USP9X: variants seen among roughly 807,000 people sequenced by gnomAD.
USP9X encodes ubiquitin specific peptidase 9 X-linked, also known as ubiquitin carboxyl-terminal hydrolase 9X.
In USP9X, 7 loss-of-function variants were observed where a neutral mutation model predicts 190.3. The ratio of observed to expected loss-of-function variants is 0.04; its 90% CI spans 0.02 to 0.07. The LOEUF (loss-of-function observed/expected upper bound fraction) is 0.07, where lower values mean the gene tolerates loss of function less well. Ranked by LOEUF, USP9X falls within the 10% of genes least tolerant of loss-of-function variation. The probability of loss-of-function intolerance (pLI) is 1.00; values close to 1 mark genes in which losing one functional copy is unlikely to be tolerated. For missense variants in USP9X, 1,010 were observed against 1,916.9 expected (o/e 0.53, Z 8.83); for synonymous variants, 645 against 659.5 (o/e 0.98, Z 0.34).
intron 33 of USP9X, among the ~76,000 whole-genome samples, chrX:41,211,359 G>T (rs1467086760): frequency 1.8e-5 from 2 of 112,275 alleles, no homozygotes; most frequent in African/African-American, 6.5e-5. Flanking sequence ...ATAGCTACAG[G>T]TGTTATTTAT....
chrX:41,141,064 C>G lies in USP9X; in HGVS notation c.869C>G (p.Thr290Ser). ...EMVPQFLENL[T>S]DEELKKEAKN... is the part of the protein sequence containing the mutation. ...GTTCCACAGTTTTTAGAAAACTTAA[C>G]TGATGAAGAACTGAAAAAAGAAGCA... The change falls in exon 8 of 45, where the codon ACT becomes AGT. Residue 290 changes from threonine (T) to serine (S), a missense_variant. This residue lies in a region of USP9X where 176 missense variants were observed against 247.5 expected (regional missense o/e 0.71). Coordinates refer to ENST00000378308, the MANE Select transcript of USP9X (RefSeq NM_001039591.3). 8.3e-7 allele frequency: 1 copy of G among 1,206,217 alleles called. No individual in the cohort carries two copies. Among genetic ancestry groups the G allele is most frequent in the Non-Finnish European group, 1.1e-6 (1 of 892,980 alleles).
At chrX:41,148,633 T>C in intron 12 of USP9X, 58 bp downstream of exon 12, 3 of 1,074,906 alleles carry the variant, frequency 2.8e-6, no homozygotes, top group Non-Finnish European at 3.9e-6. Flanking sequence ...TTAGGTTGGC[T>C]TAGTTACAGG....
intron 1 of USP9X, among the ~76,000 whole-genome samples, chrX:41,102,573 A>C (rs1016249268): frequency 1.8e-5 from 2 of 111,648 alleles, no homozygotes; most frequent in African/African-American, 6.5e-5. Flanking sequence ...CAGTGAGTTG[A>C]GATCACGCCG....
At chrX:41,156,691 C>A (rs767143979) in intron 14 of USP9X, among the ~76,000 whole-genome samples, 1 of 111,884 alleles carries the variant, frequency 8.9e-6, no homozygotes, top group South Asian at 3.7e-4. Flanking sequence ...CTGCTGTCCT[C>A]CCTCTATCTC....
chrX:41,229,973 G>C, intron 43 of USP9X, 194 bp downstream of exon 43: 1 of 713,354 alleles, frequency 1.4e-6, no homozygotes, highest in Non-Finnish European at 2.0e-6. Flanking sequence ...GGCCGAGGCA[G>C]GCGGATCACC....
At chrX:41,090,455 A>C (rs932500151) in intron 1 of USP9X, among the ~76,000 whole-genome samples, 4 of 112,139 alleles carry the variant, frequency 3.6e-5, no homozygotes, top group African/African-American at 1.3e-4. Context: ...GCTTACCTAA[A>C]ATTTATTCTT....
intron 28 of USP9X, 45 bp downstream of exon 28, chrX:41,196,783 T>C (rs771789680): frequency 2.5e-5 from 24 of 979,375 alleles, no homozygotes; most frequent in Non-Finnish European, 5.5e-6. Context: ...TATTAGTAAA[T>C]AGAATGTTTT....
chrX:41,088,457 A>G (rs967706221), intron 1 of USP9X, among the ~76,000 whole-genome samples: 1 of 112,625 alleles, frequency 8.9e-6, no homozygotes, highest in African/African-American at 3.2e-5. Flanking sequence ...AGTTGGTCAC[A>G]CAACAAGTGT....
intron 31 of USP9X, among the ~76,000 whole-genome samples, chrX:41,202,712 C>T (rs1219682042): frequency 9.0e-6 from 1 of 111,694 alleles, no homozygotes; most frequent in Non-Finnish European, 1.9e-5. Flanking sequence ...TGATTAAAAA[C>T]CACTGCTCTG....
At chrX:41,111,805 A>T (rs2062110066) in intron 1 of USP9X, among the ~76,000 whole-genome samples, 1 of 109,696 alleles carries the variant, frequency 9.1e-6, no homozygotes, top group South Asian at 3.9e-4. Flanking sequence ...CTTGTAGACC[A>T]TTAGATAAGT....
At chrX:41,217,968 A>G (rs192292029) in intron 36 of USP9X, among the ~76,000 whole-genome samples, 8 of 112,349 alleles carry the variant, frequency 7.1e-5, no homozygotes. Flanking sequence ...GCTTACCTAG[A>G]TTGAATTCTG....
At position 41,131,388 on chromosome X, in the gene USP9X, G is replaced by A. The variant is rs184779906; in HGVS notation, c.243-69G>A. On this transcript the variant is annotated intron_variant, in intron 3 of 44. Transcript: ENST00000378308. ...TTTCATAGCAAGATAATTATAATTA[G>A]TAGCTCATTTGTAGTGCCTCTTTTA... 53 of 754,426 alleles carry A rather than the reference G, an allele frequency of 7.0e-5. No homozygotes were observed. The East Asian group carries it at 1.6e-3, about 23-fold the overall frequency. The allele number at this position is 754,426 out of a possible 1,213,427, so 62.2% of individuals were successfully genotyped here.
chrX:41,099,093 A>ATTTTTTTTTTTTT (rs1569147006), intron 1 of USP9X, among the ~76,000 whole-genome samples: 2 of 47,359 alleles, frequency 4.2e-5, no homozygotes, highest in Non-Finnish European at 7.2e-5. Context: ...TGCCCAGATA[A>ATTTTTTTTTTTTT]TTGTTTTTTT....
At chrX:41,110,333 C>T (rs1356502407) in intron 1 of USP9X, among the ~76,000 whole-genome samples, 1 of 112,683 alleles carries the variant, frequency 8.9e-6, no homozygotes, top group African/African-American at 3.2e-5. Context: ...CGATACTTAA[C>T]ATGCAGAAAT....
intron 26 of USP9X, among the ~76,000 whole-genome samples, chrX:41,190,305 G>A (rs2062920743): frequency 9.0e-6 from 1 of 110,892 alleles, no homozygotes; most frequent in African/African-American, 3.3e-5. Context: ...TTGCCCACTC[G>A]AGAGGATGTA....
intron 26 of USP9X, among the ~76,000 whole-genome samples, chrX:41,192,305 C>T (rs1331046145): frequency 8.9e-6 from 1 of 112,063 alleles, no homozygotes; most frequent in Non-Finnish European, 1.9e-5. Flanking sequence ...TTTCCTTATC[C>T]CTAATCTAGG....
At chrX:41,184,699 C>A (rs777311483) in intron 23 of USP9X, 24 bp downstream of exon 23, 11 of 1,156,259 alleles carry the variant, frequency 9.5e-6, no homozygotes, top group Non-Finnish European at 1.2e-5. Flanking sequence ...TTTAAAAATC[C>A]TTTTATAATA....
Position 41,191,538 on chromosome X carries a change from C to T in USP9X, c.3977+2063C>T, listed in dbSNP as rs1355570636. On this transcript the variant is annotated intron_variant, in intron 26 of 44. Coordinates refer to ENST00000378308, the MANE Select transcript of USP9X (RefSeq NM_001039591.3). ...CTTTGCTGATGGAGAGGCACAAGGACTGTAGAAATTAAATGACTAACAAGG... is the reference window on the plus strand; with the variant it reads ...CTTTGCTGATGGAGAGGCACAAGGATTGTAGAAATTAAATGACTAACAAGG... Among the ~76,000 whole-genome samples, 4 of 111,313 alleles carry T rather than the reference C, an allele frequency of 3.6e-5. 1 individual carries two copies. Among genetic ancestry groups the T allele is most frequent in the Non-Finnish European group, 7.5e-5 (4 of 53,155 alleles).
chrX:41,181,491 C>T (rs923263757), intron 21 of USP9X, among the ~76,000 whole-genome samples: 2 of 97,244 alleles, frequency 2.1e-5, no homozygotes, highest in Non-Finnish European at 4.1e-5. Context: ...CACTGTCGCC[C>T]AGGCTGCAAT....
Sources: gnomAD v4.1 joint callset for allele counts (sites outside exome capture counted in the v4.1 genomes callset) on GRCh38, gnomAD v4.1.1 for gene constraint, gnomAD v4.1.1 regional missense constraint, MANE v1.5 for transcripts, NCBI Gene and HGNC (gene_info 2026-07-23, HGNC 2026-07-21) for gene names.